Variants in PATE1 observed in about 807,000 individuals in gnomAD.
PATE1 encodes prostate and testis expressed protein 1.
A neutral mutation model predicts 13.1 loss-of-function variants in PATE1; 21 were observed. The observed-to-expected ratio is 1.61, with a 90% CI of 1.14 to 2.31. PATE1 has a LOEUF of 2.31. Ranked by LOEUF, PATE1 falls within the 30% of genes most tolerant of loss-of-function variation. The pLI is 0.00. For missense variants in PATE1, 166 were observed against 147.2 expected, an observed-to-expected ratio of 1.13 and a Z score of -0.66; for synonymous variants, 52 against 47.1, an observed-to-expected ratio of 1.10 and a Z score of -0.43.
rs1397640623 is a variant in PATE1 at position 125,747,414 on chromosome 11, A to G, written c.124+3A>G. 4 of 1,611,488 alleles carry G rather than the reference A, an allele frequency of 2.5e-6. No individual in the cohort carries two copies. Among genetic ancestry groups the G allele is most frequent in the African/African-American group, 1.3e-5 (1 of 74,886 alleles). ...TGCTGTGAAAAACAATTTTCCTGGT[A>G]AGTATGAAGAGGACCTGTCTGATCA... On this transcript the variant is annotated splice_donor_region_variant and intron_variant, in intron 3 of 4. Coordinates refer to ENST00000305738, the MANE Select transcript of PATE1 (RefSeq NM_138294.3).
intron 4 of PATE1, among the ~76,000 whole-genome samples, chr11:125,748,215 T>C (rs1213934597): frequency 6.6e-6 from 1 of 152,218 alleles, no homozygotes; most frequent in African/African-American, 2.4e-5. Context: ...GTGTCATCAG[T>C]AGACTCTGGC....
chr11:125,747,083 G>A (rs994448482), intron 2 of PATE1, among the ~76,000 whole-genome samples: 20 of 152,138 alleles, frequency 1.3e-4, no homozygotes, highest in African/African-American at 4.8e-4. Flanking sequence ...TTAAAAAGAA[G>A]GGAATGAAGC....
At chr11:125,748,327 G>C (rs943402876) in intron 4 of PATE1, among the ~76,000 whole-genome samples, 4 of 152,162 alleles carry the variant, frequency 2.6e-5, no homozygotes, top group African/African-American at 9.7e-5. Flanking sequence ...TTGAACCAGT[G>C]TTAAGACTCT....
At chr11:125,746,574 G>A in intron 1 of PATE1, 87 bp from the exon 2 acceptor site, 2 of 1,506,080 alleles carry the variant, frequency 1.3e-6, no homozygotes, top group South Asian at 2.3e-5. Flanking sequence ...AGATTAGAGA[G>A]GAATTGAGTG....
At position 125,748,832 on chromosome 11, in the gene PATE1, A is replaced by G. The variant is rs1006223736; in HGVS notation, c.*99A>G. 6.8e-6 allele frequency: 9 copies of G among 1,327,102 alleles called. No individual in the cohort carries two copies. In the Admixed American group the frequency reaches 1.1e-4, roughly 16 times the overall value. The allele number at this position is 1,327,102 out of a possible 1,614,324, so 82.2% of individuals were successfully genotyped here. Reference sequence around the variant, plus strand: ...AAAAAAATCACACACACACACACACACACTACAGAAGAGGATTGCAAACAC... The same window carrying G: ...AAAAAAATCACACACACACACACACGCACTACAGAAGAGGATTGCAAACAC... On this transcript the variant is annotated 3_prime_UTR_variant, in exon 5 of 5. Transcript: ENST00000305738.
chr11:125,747,216 A>G (rs2134164707), intron 2 of PATE1, among the ~76,000 whole-genome samples, 160 bp from the exon 3 acceptor site: 1 of 152,282 alleles, frequency 6.6e-6, no homozygotes, highest in South Asian at 2.1e-4. Flanking sequence ...AGGTGCAGAG[A>G]TGCCCAGTAG....
chr11:125,746,721 T>C, intron 2 of PATE1, 25 bp downstream of exon 2: 1 of 1,612,210 alleles, frequency 6.2e-7, no homozygotes, highest in Non-Finnish European at 8.5e-7. Flanking sequence ...ATAAGTGGTA[T>C]GAGAAGGGGA....
In PATE1 at chr11:125,748,813, A is replaced by G. The variant is rs887870534; in HGVS notation, c.*80A>G. ...TCTTCACAATGACTTTCTAAAAAAAATCACACACACACACACACACACTAC... is the reference window on the plus strand; with the variant it reads ...TCTTCACAATGACTTTCTAAAAAAAGTCACACACACACACACACACACTAC... On this transcript the variant is annotated 3_prime_UTR_variant, in exon 5 of 5. Coordinates refer to ENST00000305738, the MANE Select transcript of PATE1 (RefSeq NM_138294.3). The G allele has an allele frequency of 1.5e-4, 227 of 1,464,714 alleles. 2 individuals are homozygous for G. Among genetic ancestry groups the G allele is most frequent in the Non-Finnish European group, 1.9e-4 (208 of 1,088,634 alleles). The allele number at this position is 1,464,714 out of a possible 1,614,324, so 90.7% of individuals were successfully genotyped here.
chr11:125,747,573 G>A, intron 3 of PATE1, 127 bp from the exon 4 acceptor site: 1 of 1,462,654 alleles, frequency 6.8e-7, no homozygotes, highest in Non-Finnish European at 9.4e-7. Flanking sequence ...AGAGGAAGAG[G>A]TTCACGCTTG....
At chr11:125,748,189 G>T (rs1225924301) in intron 4 of PATE1, 2 of 304,210 alleles carry the variant, frequency 6.6e-6, no homozygotes, top group Non-Finnish European at 1.2e-5. Context: ...TCTAAACTGT[G>T]GAAATAGAAG....
Position 125,746,350 on chromosome 11 carries a change from T to C in PATE1, c.46T>C (p.Phe16Leu). ...LLELPILLCC[F>L]RALSGSLSMR... ...GGAACTCCCCATCCTGCTCTGCTGC[T>C]TTAGGGGTGAGTCCCTAGGGTTGAC... The change falls in exon 1 of 5, where the codon TTT (phenylalanine) becomes CTT (leucine). Residue 16 changes from phenylalanine (F) to leucine (L), a missense_variant. Coordinates refer to ENST00000305738, the MANE Select transcript of PATE1 (RefSeq NM_138294.3). The C allele has an allele frequency of 6.2e-7, 1 of 1,613,888 alleles. No homozygotes were observed. Among genetic ancestry groups the C allele is most frequent in the South Asian group, 1.1e-5 (1 of 91,068 alleles).
chr11:125,747,501 T>C (rs1943284107), intron 3 of PATE1, 90 bp downstream of exon 3: 9 of 1,458,944 alleles, frequency 6.2e-6, no homozygotes. Flanking sequence ...CCTCCCATTT[T>C]TCAGGCTAAA....
intron 2 of PATE1, 67 bp from the exon 3 acceptor site, chr11:125,747,309 A>G (rs973342891): frequency 1.3e-6 from 2 of 1,492,032 alleles, no homozygotes; most frequent in African/African-American, 2.8e-5. Context: ...GGCAGACTAT[A>G]AGAACCCAAT....
chr11:125,747,838 G>C lies in PATE1; in HGVS notation c.247+16G>C, dbSNP rs781482783. 6.2e-7 allele frequency: 1 copy of C among 1,613,428 alleles called. No individual in the cohort carries two copies. The highest frequency in any genetic ancestry group is 8.5e-7 in the Non-Finnish European group (1 of 1,179,570). ...ATGTTCAAAAGTAAGTTGTGGGTTG[G>C]GGAAAAGAAGAACGGGCAGAGGACG... On this transcript the variant is annotated intron_variant, in intron 4 of 4. Coordinates refer to ENST00000305738, the MANE Select transcript of PATE1 (RefSeq NM_138294.3).
In PATE1 at chr11:125,747,862, C is replaced by G. The variant is rs140109468; in HGVS notation, c.247+40C>G. The stretch of plus-strand genomic sequence containing the variant: ...GGGGAAAAGAAGAACGGGCAGAGGA[C>G]GTATACAGGGACGTATCAGCCACAG... On this transcript the variant is annotated intron_variant, in intron 4 of 4. Coordinates refer to ENST00000305738, the MANE Select transcript of PATE1 (RefSeq NM_138294.3). 33 of 1,611,890 alleles carry G rather than the reference C, an allele frequency of 2.0e-5. 1 individual carries two copies. In the Admixed American group the frequency reaches 4.3e-4, roughly 21 times the overall value.
At position 125,747,886 on chromosome 11, in the gene PATE1, A is replaced by G. The variant is rs537674111; in HGVS notation, c.247+64A>G. 5.0e-6 allele frequency: 8 copies of G among 1,599,542 alleles called. No individual in the cohort carries two copies. In the African/African-American group the frequency reaches 9.4e-5, roughly 19 times the overall value. On this transcript the variant is annotated intron_variant, in intron 4 of 4. Coordinates refer to ENST00000305738, the MANE Select transcript of PATE1 (RefSeq NM_138294.3). ...ACGTATACAGGGACGTATCAGCCAC[A>G]GGGGAAAGGAGAGATCTTACTTTAC... is the stretch of plus-strand genomic sequence containing the variant.
At chr11:125,747,247 C>A in intron 2 of PATE1, 129 bp from the exon 3 acceptor site, 1 of 764,118 alleles carries the variant, frequency 1.3e-6, no homozygotes, top group Non-Finnish European at 2.2e-6. Flanking sequence ...ATTAGGGGGA[C>A]AGAGTGGGCC....
In PATE1 at chr11:125,747,812, G is replaced by C; in HGVS notation, c.237G>C (p.Arg79Ser). 1 of 1,613,792 alleles carries C rather than the reference G, an allele frequency of 6.2e-7. No individual in the cohort carries two copies. The highest frequency in any genetic ancestry group is 8.5e-7 in the Non-Finnish European group (1 of 1,179,754). ...ATTEEACMVGRMFKRDGNPWL... is the reference protein window; with the variant it reads ...ATTEEACMVGSMFKRDGNPWL... ...CAGAAGAGGCCTGCATGGTTGGAAG[G>C]ATGTTCAAAAGTAAGTTGTGGGTTG... The change falls in exon 4 of 5, where the codon AGG (arginine) becomes AGC (serine). Residue 79 changes from arginine (R) to serine (S), a missense_variant. Transcript: ENST00000305738.
rs1199425066 is a variant in PATE1 at position 125,746,705 on chromosome 11, GA to G, written c.88+11del. Reference sequence around the variant, plus strand: ...AATGAGAAATGATGCAGGTGAGTAGGAATAGATAAGTGGTATGAGAAGGGGA... The same window carrying G: ...AATGAGAAATGATGCAGGTGAGTAGGATAGATAAGTGGTATGAGAAGGGGA... On this transcript the variant is annotated intron_variant, in intron 2 of 4. Coordinates refer to ENST00000305738, the MANE Select transcript of PATE1 (RefSeq NM_138294.3). 4 of 1,613,314 alleles carry G rather than the reference GA, an allele frequency of 2.5e-6. No individual in the cohort carries two copies. Among genetic ancestry groups the G allele is most frequent in the Admixed American group, 3.3e-5 (2 of 59,980 alleles).
Sources: allele counts gnomAD v4.1 joint callset (sites outside exome capture counted in the v4.1 genomes callset), GRCh38; gene constraint gnomAD v4.1.1; transcripts MANE v1.5; gene names NCBI Gene and HGNC (gene_info 2026-07-23, HGNC 2026-07-21).